Variants in CUEDC1 observed in about 807,000 individuals in gnomAD.
CUEDC1 encodes CUE domain containing 1.
Under a neutral mutation model 43.7 loss-of-function variants are expected in CUEDC1, and 30 were observed. The ratio of observed to expected loss-of-function variants is 0.69; its 90% CI spans 0.51 to 0.93. The LOEUF (loss-of-function observed/expected upper bound fraction) is 0.93, where lower values mean the gene tolerates loss of function less well. CUEDC1 is among the 40% of genes least tolerant of loss of function. The probability of loss-of-function intolerance (pLI) is 0.00; values close to 1 mark genes in which losing one functional copy is unlikely to be tolerated. For synonymous variants in CUEDC1, 223 were observed against 223.6 expected (o/e 1.00, Z 0.02); for missense variants, 486 against 549.0 (o/e 0.89, Z 1.15).
At chr17:57,873,306 C>T (rs1411797287) in intron 4 of CUEDC1, among the ~76,000 whole-genome samples, 1 of 152,134 alleles carries the variant, frequency 6.6e-6, no homozygotes, top group African/African-American at 2.4e-5. Flanking sequence ...TCTGGCCCTC[C>T]ACCATTGGCC....
At chr17:57,881,741 C>G (rs959859437) in intron 2 of CUEDC1, among the ~76,000 whole-genome samples, 1 of 152,176 alleles carries the variant, frequency 6.6e-6, no homozygotes, top group Admixed American at 6.5e-5. Context: ...CAGTCAGCCC[C>G]CCAGACTCAG....
At chr17:57,908,030 C>T (rs766077441) in intron 1 of CUEDC1, among the ~76,000 whole-genome samples, 1 of 152,024 alleles carries the variant, frequency 6.6e-6, no homozygotes, top group Non-Finnish European at 1.5e-5. Flanking sequence ...ACCTCGTTCA[C>T]ACACGCATGC....
chr17:57,866,579 C>T, intron 9 of CUEDC1, 35 bp from the exon 10 acceptor site: 5 of 1,609,658 alleles, frequency 3.1e-6, no homozygotes, highest in Non-Finnish European at 4.3e-6. Flanking sequence ...CATCCTCTAC[C>T]CTGCAGGGCC....
intron 2 of CUEDC1, among the ~76,000 whole-genome samples, chr17:57,880,113 C>T (rs1190703241): frequency 6.6e-6 from 1 of 152,114 alleles, no homozygotes; most frequent in African/African-American, 2.4e-5. Flanking sequence ...CAGGGGCACT[C>T]CAGGTTCTGG....
At chr17:57,925,250 CA>C (rs2143128327) in intron 1 of CUEDC1, among the ~76,000 whole-genome samples, 1 of 152,154 alleles carries the variant, frequency 6.6e-6, no homozygotes, top group Non-Finnish European at 1.5e-5. Flanking sequence ...GTAAACTACC[CA>C]GGGGGCAAGG....
chr17:57,868,145 G>C lies in CUEDC1; in HGVS notation c.1034+5C>G, dbSNP rs1422422766. The C allele has an allele frequency of 6.2e-7, 1 of 1,612,488 alleles. No individual in the cohort carries two copies. Among genetic ancestry groups the C allele is most frequent in the Non-Finnish European group, 8.5e-7 (1 of 1,178,498 alleles). ...CCCCCACCAGTGCCAGGCTGGAAAG[G>C]ATACGACTGATGCTTCAACAAGTGT... On this transcript the variant is annotated splice_donor_5th_base_variant and intron_variant, in intron 8 of 10. Coordinates refer to ENST00000577830, the MANE Select transcript of CUEDC1 (RefSeq NM_001271875.2).
At chr17:57,868,055 CA>C (rs2073985051) in intron 8 of CUEDC1, 94 bp downstream of exon 8, 1 of 1,063,984 alleles carries the variant, frequency 9.4e-7, no homozygotes, top group African/African-American at 1.6e-5. Flanking sequence ...GTTCCACTCC[CA>C]GGGGAGGGCA....
At chr17:57,902,400 C>T (rs867385995) in intron 1 of CUEDC1, among the ~76,000 whole-genome samples, 16 of 152,254 alleles carry the variant, frequency 1.1e-4, no homozygotes, top group Non-Finnish European at 1.3e-4. Context: ...ATGACTGACT[C>T]GTCCTGCAAG....
intron 1 of CUEDC1, among the ~76,000 whole-genome samples, chr17:57,886,963 C>T (rs1007587841): frequency 5.9e-5 from 9 of 151,806 alleles, no homozygotes; most frequent in African/African-American, 2.2e-4. Context: ...GGACTACAGG[C>T]GCCCGCCACC....
chr17:57,953,752 T>C (rs775496100), intron 1 of CUEDC1, among the ~76,000 whole-genome samples: 21 of 152,202 alleles, frequency 1.4e-4, no homozygotes, highest in Middle Eastern at 3.2e-3. Flanking sequence ...TCAACATCCC[T>C]GGGCCATCCT....
intron 1 of CUEDC1, among the ~76,000 whole-genome samples, chr17:57,939,467 A>AG (rs201373366): frequency 0.047 from 5,472 of 116,868 alleles, 163 homozygotes; most frequent in South Asian, 0.071. Flanking sequence ...GGGTGGGGGG[A>AG]GAGGGTCTCA....
intron 1 of CUEDC1, among the ~76,000 whole-genome samples, chr17:57,931,141 T>G (rs536545030): frequency 3.0e-4 from 45 of 151,820 alleles, no homozygotes; most frequent in Non-Finnish European, 3.5e-4. Context: ...ATACAAAAAT[T>G]AGCTGGAGGT....
chr17:57,885,327 T>G lies in CUEDC1; in HGVS notation c.238A>C (p.Thr80Pro), dbSNP rs1337278427. 1 of 1,611,600 alleles carries G rather than the reference T, an allele frequency of 6.2e-7. No individual in the cohort carries two copies. The highest frequency in any genetic ancestry group is 1.3e-5 in the African/African-American group (1 of 74,932). Residue 80 changes from threonine (T) to proline (P), a missense_variant, in exon 2 of 11, where the codon ACC becomes CCC. Physicochemically the swap from Thr to Pro is conservative, Grantham distance 38. Transcript: ENST00000577830. ...LRANSGAVDA[T>P]IDQLLQMNLE... ...TTCATCTGCAGCAGCTGGTCGATGG[T>G]GGCGTCCACAGCGCCGCTGTTGGCG...
At chr17:57,893,349 ATGTG>A (rs147335365) in intron 1 of CUEDC1, among the ~76,000 whole-genome samples, 2 of 148,352 alleles carry the variant, frequency 1.3e-5, no homozygotes, top group Non-Finnish European at 3.0e-5. Flanking sequence ...CTCTCAGGGT[ATGTG>A]TGTGTGTGTG....
intron 1 of CUEDC1, among the ~76,000 whole-genome samples, chr17:57,914,386 T>C (rs567864733): frequency 3.3e-5 from 5 of 152,298 alleles, no homozygotes; most frequent in Non-Finnish European, 7.4e-5. Flanking sequence ...CGGGAGGAGC[T>C]ACCTCTGAAG....
chr17:57,864,555 A>G (rs1304870195), intron 10 of CUEDC1, among the ~76,000 whole-genome samples: 6 of 152,232 alleles, frequency 3.9e-5, no homozygotes, highest in African/African-American at 1.2e-4. Flanking sequence ...GAAGAGCACC[A>G]TAAGAATGCA....
chr17:57,882,185 G>T (rs3785491), intron 2 of CUEDC1, among the ~76,000 whole-genome samples: 25,375 of 151,538 alleles, frequency 0.17, 2,598 homozygotes, highest in African/African-American at 0.28. Flanking sequence ...CCCCAGAAAG[G>T]GTTTTTTTTT....
chr17:57,900,205 C>T (rs1340374703), intron 1 of CUEDC1, among the ~76,000 whole-genome samples: 1 of 152,190 alleles, frequency 6.6e-6, no homozygotes, highest in Non-Finnish European at 1.5e-5. Flanking sequence ...CTTCCTTTCG[C>T]CTCCCGAGGG....
At chr17:57,884,868 C>G (rs1242037687) in intron 2 of CUEDC1, among the ~76,000 whole-genome samples, 1 of 152,232 alleles carries the variant, frequency 6.6e-6, no homozygotes, top group Non-Finnish European at 1.5e-5. Context: ...CTAGCGGACT[C>G]TACGCCTGAT....
Sources: gnomAD v4.1 joint callset for allele counts (sites outside exome capture counted in the v4.1 genomes callset) on GRCh38, gnomAD v4.1.1 for gene constraint, MANE v1.5 for transcripts, NCBI Gene and HGNC (gene_info 2026-07-23, HGNC 2026-07-21) for gene names.